The following RBFOX1 variants were observed in gnomAD, a reference collection of about 807,000 sequenced individuals.
RBFOX1 encodes the protein RNA binding protein fox-1 homolog 1.
A neutral mutation model predicts 57.7 loss-of-function variants in RBFOX1; 8 were observed. The observed-to-expected ratio is 0.14, with a 90% CI of 0.08 to 0.25. The LOEUF (loss-of-function observed/expected upper bound fraction) is 0.25, where lower values mean the gene tolerates loss of function less well. Among genes scored for constraint, RBFOX1 ranks in the 10% least tolerant of loss-of-function variants. The pLI is 1.00. For missense variants in RBFOX1, 611 were observed against 548.5 expected (o/e 1.11, Z -1.14); for synonymous variants, 326 against 222.4 (o/e 1.47, Z -4.15).
At chr16:7,481,454 G>T (rs1162025317) in intron 4 of RBFOX1, among the ~76,000 whole-genome samples, 1 of 152,126 alleles carries the variant, frequency 6.6e-6, no homozygotes, top group Non-Finnish European at 1.5e-5. Context: ...ATATTGGGAT[G>T]CCTCTGTAGT....
intron 4 of RBFOX1, among the ~76,000 whole-genome samples, chr16:7,457,979 A>G (rs2058850362): frequency 6.6e-6 from 1 of 152,132 alleles, no homozygotes; most frequent in African/African-American, 2.4e-5. Flanking sequence ...CTGAAAGGCT[A>G]CATTCCACAG....
intron 1 of RBFOX1, among the ~76,000 whole-genome samples, chr16:5,244,278 A>C (rs181366970): frequency 1.3e-5 from 2 of 152,320 alleles, no homozygotes; most frequent in East Asian, 3.9e-4. Flanking sequence ...TCCATCCTCC[A>C]TCCCCTCATG....
intron 4 of RBFOX1, among the ~76,000 whole-genome samples, chr16:7,214,131 TG>T (rs1406800459): frequency 1.3e-5 from 2 of 152,188 alleles, no homozygotes; most frequent in Non-Finnish European, 2.9e-5. Flanking sequence ...TCTTGTTCTC[TG>T]ACCATTTATC....
At chr16:6,452,372 C>A (rs890480289) in intron 2 of RBFOX1, among the ~76,000 whole-genome samples, 2 of 151,188 alleles carry the variant, frequency 1.3e-5, no homozygotes, top group African/African-American at 2.4e-5. Flanking sequence ...CCCTGGCTCT[C>A]TTCTTTCCAT....
At position 6,001,600 on chromosome 16, in the gene RBFOX1, A is replaced by G. The variant is rs540366564; in HGVS notation, c.351+134265A>G. Among the ~76,000 whole-genome samples the G allele has an allele frequency of 2.3e-4, 35 of 152,342 alleles. 1 individual carries two copies. Among genetic ancestry groups the G allele is most frequent in the South Asian group, 2.3e-3 (11 of 4,828 alleles). ...ATACAAGATGGATTTTAGATACTAC[A>G]GAGACAAGATTATTAACCTTAGTGC... On this transcript the variant is annotated intron_variant, in intron 4 of 19. Coordinates refer to the RBFOX1 transcript ENST00000641259.
chr16:7,293,400 G>C (rs185010725), intron 4 of RBFOX1, among the ~76,000 whole-genome samples: 1 of 152,112 alleles, frequency 6.6e-6, no homozygotes, highest in African/African-American at 2.4e-5. Context: ...GATAGTGAAC[G>C]ATGACTCTAC....
chr16:6,242,246 G>A (rs2097543556), intron 1 of RBFOX1, among the ~76,000 whole-genome samples: 1 of 152,034 alleles, frequency 6.6e-6, no homozygotes, highest in Non-Finnish European at 1.5e-5. Flanking sequence ...ATAAGTATAT[G>A]TTGTTTATTC....
chr16:7,493,094 G>A (rs1344328294), intron 4 of RBFOX1, among the ~76,000 whole-genome samples: 1 of 152,120 alleles, frequency 6.6e-6, no homozygotes. Flanking sequence ...GGTCAGGCTG[G>A]TCTCAAACTC....
At chr16:6,571,509 A>T (rs1021047174) in intron 2 of RBFOX1, among the ~76,000 whole-genome samples, 1 of 152,054 alleles carries the variant, frequency 6.6e-6, no homozygotes, top group Non-Finnish European at 1.5e-5. Context: ...ACTTGGGTGA[A>T]ATAAAAGGCA....
At chr16:7,301,959 A>G (rs1440936766) in intron 4 of RBFOX1, among the ~76,000 whole-genome samples, 1 of 152,176 alleles carries the variant, frequency 6.6e-6, no homozygotes, top group African/African-American at 2.4e-5. Flanking sequence ...AAAAGAGGGA[A>G]TTCTTATATT....
rs966792720 is a variant in RBFOX1 at position 6,191,675 on chromosome 16, G to C, written c.-126-125320G>C. 2.0e-5 allele frequency among the ~76,000 whole-genome samples: 3 copies of C among 152,134 alleles called. No homozygotes were observed. In the South Asian group the frequency reaches 6.2e-4, roughly 32 times the overall value. On this transcript the variant is annotated intron_variant, in intron 1 of 15. Coordinates refer to ENST00000550418, the MANE Select transcript of RBFOX1 (RefSeq NM_018723.4). ...TTGCATGGTCCAAAAGGCAATTTCT[G>C]TTGCCTTTTTATGGTGATTTGGAGT... is the stretch of plus-strand genomic sequence containing the variant.
chr16:6,800,224 T>C (rs772580271), intron 3 of RBFOX1, among the ~76,000 whole-genome samples: 8 of 146,172 alleles, frequency 5.5e-5, no homozygotes, highest in African/African-American at 1.1e-4. Context: ...CTCATAACCA[T>C]GTCTGTTTGC....
intron 3 of RBFOX1, among the ~76,000 whole-genome samples, chr16:6,669,109 C>T (rs534427767): frequency 3.3e-5 from 5 of 152,256 alleles, no homozygotes; most frequent in Admixed American, 3.3e-4. Context: ...AGCACTTTTG[C>T]ATGGTTCAGC....
intron 3 of RBFOX1, among the ~76,000 whole-genome samples, chr16:6,962,580 C>T (rs1366491253): frequency 2.6e-5 from 4 of 152,124 alleles, no homozygotes; most frequent in African/African-American, 7.2e-5. Context: ...TAACATGAGG[C>T]TTGGAGCCAG....
chr16:5,863,195 G>T (rs749706906), intron 3 of RBFOX1, among the ~76,000 whole-genome samples: 3 of 152,140 alleles, frequency 2.0e-5, no homozygotes, highest in Non-Finnish European at 4.4e-5. Context: ...CCTTAATGTC[G>T]GCCTTTGCGA....
At chr16:5,906,155 C>A (rs745671587) in intron 4 of RBFOX1, among the ~76,000 whole-genome samples, 59 of 152,116 alleles carry the variant, frequency 3.9e-4, no homozygotes, top group Middle Eastern at 3.2e-3. Flanking sequence ...GTCATGCCTC[C>A]CCCAGACTGG....
At chr16:6,547,680 A>G (rs1194295237) in intron 2 of RBFOX1, among the ~76,000 whole-genome samples, 1 of 152,144 alleles carries the variant, frequency 6.6e-6, no homozygotes, top group Non-Finnish European at 1.5e-5. Context: ...GAGGTTTGTA[A>G]TAAGATAGCT....
In RBFOX1 at chr16:6,765,683, G is replaced by C. The variant is rs1359074389; in HGVS notation, c.-16+111033G>C. ...CTACCCAGAGGAAAGATGCCTGCTT[G>C]CATATATTTATCATAACACAATTCA... On this transcript the variant is annotated intron_variant, in intron 3 of 15. Coordinates refer to ENST00000550418, the MANE Select transcript of RBFOX1 (RefSeq NM_018723.4). 7.9e-5 allele frequency among the ~76,000 whole-genome samples: 12 copies of C among 152,120 alleles called. 1 individual carries two copies. Among genetic ancestry groups the C allele is most frequent in the African/African-American group, 1.7e-4 (7 of 41,420 alleles).
At chr16:6,854,188 G>A (rs1472671146) in intron 3 of RBFOX1, among the ~76,000 whole-genome samples, 2 of 152,084 alleles carry the variant, frequency 1.3e-5, no homozygotes, top group Non-Finnish European at 2.9e-5. Context: ...ACGGTTTCTG[G>A]GGTTTAGACA....
Sources: gnomAD v4.1 joint callset for allele counts (sites outside exome capture counted in the v4.1 genomes callset) on GRCh38, gnomAD v4.1.1 for gene constraint, MANE v1.5 for transcripts, NCBI Gene and HGNC (gene_info 2026-07-23, HGNC 2026-07-21) for gene names.